The following STK3 variants were observed in gnomAD, a reference collection of about 807,000 sequenced individuals.
The protein encoded by STK3 is serine/threonine kinase 3, also known as serine/threonine-protein kinase 3.
A neutral mutation model predicts 58.0 loss-of-function variants in STK3; 41 were observed. That is an observed-to-expected ratio of 0.71 (90% confidence interval 0.55 to 0.92). The LOEUF (loss-of-function observed/expected upper bound fraction) is 0.92. STK3 is among the 40% of genes least tolerant of loss of function. The pLI, the probability that STK3 is intolerant of heterozygous loss-of-function variation, is 0.00. For missense variants in STK3, 479 were observed against 602.7 expected (o/e 0.79, Z 2.15); for synonymous variants, 170 against 191.0 (o/e 0.89, Z 0.91).
intron 4 of STK3, among the ~76,000 whole-genome samples, chr8:98,737,073 TATATTTTA>T (rs1828658284): frequency 6.6e-6 from 1 of 152,326 alleles, no homozygotes; most frequent in African/African-American, 2.4e-5. Context: ...GTTCTCAACC[TATATTTTA>T]TAGTTTTTAT....
intron 4 of STK3, among the ~76,000 whole-genome samples, chr8:98,711,620 A>AT (rs1409834630): frequency 2.0e-5 from 3 of 152,210 alleles, no homozygotes; most frequent in Non-Finnish European, 4.4e-5. Flanking sequence ...GCCTCCAAGA[A>AT]ATATGGGACT....
intron 10 of STK3, among the ~76,000 whole-genome samples, chr8:98,460,055 C>T (rs902659719): frequency 2.6e-5 from 4 of 152,184 alleles, no homozygotes; most frequent in Admixed American, 2.0e-4. Flanking sequence ...CCATTGACAG[C>T]TTGCACCATA....
At chr8:98,938,166 T>TA (rs1190750161) in intron 1 of STK3, among the ~76,000 whole-genome samples, 2 of 150,164 alleles carry the variant, frequency 1.3e-5, no homozygotes, top group East Asian at 2.0e-4. Context: ...AAAAAAAAAC[T>TA]AAAAAAACTT....
chr8:98,502,320 T>A (rs985686991), intron 10 of STK3, among the ~76,000 whole-genome samples: 1 of 152,104 alleles, frequency 6.6e-6, no homozygotes. Context: ...GACAATGGGG[T>A]TTTCTAAATA....
At position 98,707,289 on chromosome 8, in the gene STK3, G is replaced by C. The variant is rs763763606; in HGVS notation, c.374C>G (p.Thr125Ser). 2 of 1,542,646 alleles carry C rather than the reference G, an allele frequency of 1.3e-6. No homozygotes were observed. The highest frequency in any genetic ancestry group is 2.8e-5 in the African/African-American group (2 of 72,636). ...NKTLIEDEIATILKSTLKGLE... is the reference protein window; with the variant it reads ...NKTLIEDEIASILKSTLKGLE... ...TCCTTTCAATGTAGATTTAAGAATG[G>C]TTGCAATTTCATCTTCTATTAACTG... is the stretch of plus-strand genomic sequence containing the variant. Residue 125 changes from threonine (T) to serine (S), a missense_variant, in exon 5 of 11, where the codon ACC becomes AGC. Around this residue, in one of 3 missense-constraint regions of STK3, gnomAD observed 126 missense variants for 210.1 expected, o/e 0.60. Transcript: ENST00000419617.
chr8:98,836,305 A>T (rs1282398725), intron 3 of STK3, among the ~76,000 whole-genome samples: 1 of 152,144 alleles, frequency 6.6e-6, no homozygotes, highest in Non-Finnish European at 1.5e-5. Context: ...GTGAGGGCCA[A>T]CTTCCTGATT....
intron 10 of STK3, among the ~76,000 whole-genome samples, chr8:98,478,978 T>C (rs1014380470): frequency 1.2e-4 from 18 of 152,222 alleles, no homozygotes; most frequent in African/African-American, 4.1e-4. Context: ...TGCTGCTAAA[T>C]ACATCTAAGT....
chr8:98,703,033 A>T (rs751504812), intron 6 of STK3, among the ~76,000 whole-genome samples: 1 of 152,230 alleles, frequency 6.6e-6, no homozygotes, highest in Non-Finnish European at 1.5e-5. Flanking sequence ...TCATTAGCCT[A>T]TATGTCTACC....
At chr8:98,633,713 A>C in intron 6 of STK3, 1 of 671,562 alleles carries the variant, frequency 1.5e-6, no homozygotes, top group South Asian at 1.5e-5. Context: ...AGTGACAGAC[A>C]TCTGGAGGAT....
chr8:98,704,900 C>T (rs981731064), intron 6 of STK3, among the ~76,000 whole-genome samples: 4 of 152,148 alleles, frequency 2.6e-5, no homozygotes, highest in African/African-American at 9.7e-5. Context: ...GTAAACCTCA[C>T]TGATTCAAAC....
intron 1 of STK3, among the ~76,000 whole-genome samples, chr8:98,895,670 C>T (rs991358060): frequency 1.3e-5 from 2 of 152,124 alleles, no homozygotes; most frequent in Non-Finnish European, 2.9e-5. Context: ...TCAAGATGAA[C>T]CGAATGCCAA....
At chr8:98,775,938 A>G (rs1831648158) in intron 1 of STK3, among the ~76,000 whole-genome samples, 1 of 152,270 alleles carries the variant, frequency 6.6e-6, no homozygotes, top group African/African-American at 2.4e-5. Flanking sequence ...TGAATATTCA[A>G]CAGGCTGATT....
chr8:98,589,117 C>A (rs1308185088), intron 7 of STK3, among the ~76,000 whole-genome samples: 1 of 152,216 alleles, frequency 6.6e-6, no homozygotes, highest in Non-Finnish European at 1.5e-5. Flanking sequence ...CATTCTCCAT[C>A]CAGCTTTGTT....
the STK3 span, among the ~76,000 whole-genome samples, chr8:98,346,060 C>T: frequency 6.6e-6 from 1 of 152,006 alleles, no homozygotes; most frequent in African/African-American, 2.4e-5. Context: ...CCAAGGTGGG[C>T]TAATCACCTG....
At chr8:98,876,306 G>T (rs1837558240) in intron 3 of STK3, among the ~76,000 whole-genome samples, 2 of 152,134 alleles carry the variant, frequency 1.3e-5, no homozygotes, top group South Asian at 2.1e-4. Context: ...GCTTGAAGTG[G>T]GTCAAAGACC....
At chr8:98,355,315 C>T in the STK3 span, among the ~76,000 whole-genome samples, 2 of 152,348 alleles carry the variant, frequency 1.3e-5, no homozygotes, top group South Asian at 2.1e-4. Flanking sequence ...GCTCATTCTT[C>T]CTGCTCTGCT....
intron 4 of STK3, among the ~76,000 whole-genome samples, chr8:98,717,862 G>T (rs1333563586): frequency 1.3e-5 from 2 of 152,184 alleles, no homozygotes; most frequent in African/African-American, 4.8e-5. Context: ...ATTTTATTCA[G>T]CCTTAAAAGG....
intron 3 of STK3, among the ~76,000 whole-genome samples, chr8:98,874,224 T>C (rs1344315984): frequency 6.6e-6 from 1 of 152,224 alleles, no homozygotes; most frequent in African/African-American, 2.4e-5. Flanking sequence ...TGTTAGTCTG[T>C]TGGGCTTCCC....
chr8:98,632,198 A>C (rs1235913682), intron 6 of STK3, among the ~76,000 whole-genome samples: 2 of 152,234 alleles, frequency 1.3e-5, no homozygotes, highest in African/African-American at 4.8e-5. Flanking sequence ...AATATATAAA[A>C]ATGTAAAAAT....
Sources: gnomAD v4.1 joint callset for allele counts (sites outside exome capture counted in the v4.1 genomes callset) on GRCh38, gnomAD v4.1.1 for gene constraint, gnomAD v4.1.1 regional missense constraint, MANE v1.5 for transcripts, NCBI Gene and HGNC (gene_info 2026-07-23, HGNC 2026-07-21) for gene names.